Variants in FCRL4 observed in about 807,000 individuals in gnomAD.
The protein encoded by FCRL4 is Fc receptor-like protein 4.
A neutral mutation model predicts 64.1 loss-of-function variants in FCRL4; 43 were observed. The ratio of observed to expected loss-of-function variants is 0.67; its 90% CI spans 0.53 to 0.87. The LOEUF is 0.87. FCRL4 is among the 40% of genes least tolerant of loss of function. The pLI is 0.00. For missense variants in FCRL4, 656 were observed against 613.5 expected (o/e 1.07, Z -0.73); for synonymous variants, 253 against 239.8 (o/e 1.05, Z -0.51).
At position 157,586,230 on chromosome 1, in the gene FCRL4, T is replaced by G. The variant is rs1652689227; in HGVS notation, c.1073A>C (p.Tyr358Ser). Residue 358 changes from tyrosine to serine, a missense_variant, in exon 6 of 12, where the codon TAC becomes TCC. By Grantham distance (144) the Tyr-to-Ser change is moderately radical. Coordinates refer to ENST00000271532, the MANE Select transcript of FCRL4 (RefSeq NM_031282.3). ...AIRQSHAGGY[Y>S]CTADNSYGPV... ...GCCGTAGCTGTTGTCTGCTGTACAG[T>G]AGTATCCCCCTGCATGGCTCTGTCT... The G allele has an allele frequency of 1.9e-6, 3 of 1,614,024 alleles. No individual in the cohort carries two copies. The highest frequency in any genetic ancestry group is 2.5e-6 in the Non-Finnish European group (3 of 1,180,022).
rs1652566768 is a variant in FCRL4 at position 157,581,728 on chromosome 1, GCCCT to G, written c.1136-88_1136-85del. 4.7e-6 allele frequency: 5 copies of G among 1,062,630 alleles called. No individual in the cohort carries two copies. The African/African-American group carries it at 6.3e-5, about 13-fold the overall frequency. 65.8% of individuals were successfully genotyped at this position (1,062,630 alleles called of 1,614,324 possible). A position where few individuals can be genotyped will look rare whatever the true frequency, so the allele number is the denominator to read the frequency against. On this transcript the variant is annotated intron_variant, in intron 6 of 11. Transcript: ENST00000271532. Reference sequence around the variant, plus strand: ...TTTCCTCAGCTTGGTTGGGTAACGAGCCCTGGAAGAGAGAAAAATCTAAAGGACT... The same window carrying G: ...TTTCCTCAGCTTGGTTGGGTAACGAGGGAAGAGAGAAAAATCTAAAGGACT...
At chr1:157,579,496 C>T (rs1652500120) in intron 8 of FCRL4, among the ~76,000 whole-genome samples, 1 of 152,156 alleles carries the variant, frequency 6.6e-6, no homozygotes, top group African/African-American at 2.4e-5. Flanking sequence ...GCGGGCAGAT[C>T]ACTTGAAGCC....
chr1:157,582,890 C>A (rs968112499), intron 6 of FCRL4, among the ~76,000 whole-genome samples: 10 of 152,184 alleles, frequency 6.6e-5, no homozygotes, highest in Non-Finnish European at 1.0e-4. Context: ...TTCCCCATTG[C>A]CTGCTGGGGC....
At chr1:157,588,790 C>T (rs892080354) in intron 3 of FCRL4, among the ~76,000 whole-genome samples, 3 of 152,116 alleles carry the variant, frequency 2.0e-5, no homozygotes, top group African/African-American at 4.8e-5. Flanking sequence ...GAGGAAGGGA[C>T]GCATAACAAC....
intron 6 of FCRL4, 124 bp downstream of exon 6, chr1:157,586,044 C>T: frequency 1.0e-6 from 1 of 959,210 alleles, no homozygotes; most frequent in Non-Finnish European, 1.5e-6. Context: ...AATTGTTTAT[C>T]ACAGTGGAGC....
chr1:157,596,969 A>C (rs554960386), intron 1 of FCRL4, among the ~76,000 whole-genome samples: 1 of 152,354 alleles, frequency 6.6e-6, no homozygotes, highest in Admixed American at 6.5e-5. Flanking sequence ...ACATTTATAC[A>C]TGGGGTGCCC....
At chr1:157,582,866 C>T (rs904257746) in intron 6 of FCRL4, among the ~76,000 whole-genome samples, 4 of 152,150 alleles carry the variant, frequency 2.6e-5, no homozygotes, top group African/African-American at 7.2e-5. Flanking sequence ...GCCACTACAT[C>T]CTGTATTGAA....
At chr1:157,592,417 TG>T in intron 2 of FCRL4, among the ~76,000 whole-genome samples, 1 of 151,112 alleles carries the variant, frequency 6.6e-6, no homozygotes, top group Middle Eastern at 3.5e-3. Flanking sequence ...CATCAAAAAG[TG>T]GGCAAAGGAT....
In FCRL4 at chr1:157,580,343, C is replaced by A. The variant is rs202170978; in HGVS notation, c.1255G>T (p.Gly419Cys). The A allele has an allele frequency of 2.2e-5, 36 of 1,614,100 alleles. No homozygotes were observed. In the Admixed American group the frequency reaches 6.0e-4, roughly 27 times the overall value. The change falls in exon 8 of 12, where the codon GGT becomes TGT. Residue 419 changes from glycine (G) to cysteine (C), a missense_variant. Gly to Cys is a radical substitution (Grantham distance 159, BLOSUM62 -3). Transcript: ENST00000271532. ...CACCTGGTTTCGTCTCCCAAGAAAC[C>A]AACTCCTGCAAAATAAAGCAAAGAC... ...HCWRRRKSGV[G>C]FLGDETRLPP...
At chr1:157,596,018 G>A (rs1208072666) in intron 2 of FCRL4, among the ~76,000 whole-genome samples, 1 of 152,222 alleles carries the variant, frequency 6.6e-6, no homozygotes, top group Non-Finnish European at 1.5e-5. Flanking sequence ...GGGATGCTAT[G>A]CATTCCATCA....
chr1:157,590,680 G>A (rs1652819168), intron 2 of FCRL4, among the ~76,000 whole-genome samples: 1 of 151,984 alleles, frequency 6.6e-6, no homozygotes, highest in Admixed American at 6.5e-5. Context: ...ACCACACCCA[G>A]CTAATTTTTT....
rs1558155113 is a variant in FCRL4, at chr1:157,585,383, T to TTTC, written c.1135+782_1135+784dup. Among the ~76,000 whole-genome samples the TTTC allele has an allele frequency of 6.4e-4, 66 of 103,722 alleles. 1 individual carries two copies. The highest frequency in any genetic ancestry group is 2.4e-3 in the African/African-American group (66 of 26,988). The allele number at this position is 103,722 out of a possible 152,430, so 68.0% of individuals were successfully genotyped here. On this transcript the variant is annotated intron_variant, in intron 6 of 11. Transcript: ENST00000271532. ...CTTTCTTTCTTTCTTTCTTTCTTTC[T>TTTC]TTCTTTCTTTCCTTCTTTCTTTCTT...
chr1:157,580,220 A>G, intron 8 of FCRL4, 101 bp downstream of exon 8: 1 of 1,264,436 alleles, frequency 7.9e-7, no homozygotes, highest in Non-Finnish European at 1.2e-6. Flanking sequence ...ATCTAGCCAC[A>G]GGGCCAAAGA....
Position 157,575,517 on chromosome 1 carries a change from C to T in FCRL4, c.*7G>A, listed in dbSNP as rs867211538. ...TGAGTAGGACGTTCTCGTAACTTTT[C>T]ATTCTCTTAACTTTCTTCATCCTTA... On this transcript the variant is annotated 3_prime_UTR_variant, in exon 12 of 12. Coordinates refer to ENST00000271532, the MANE Select transcript of FCRL4 (RefSeq NM_031282.3). 1 of 1,609,836 alleles carries T rather than the reference C, an allele frequency of 6.2e-7. No individual in the cohort carries two copies. The highest frequency in any genetic ancestry group is 8.5e-7 in the Non-Finnish European group (1 of 1,177,018).
chr1:157,584,963 G>T (rs1652640281), intron 6 of FCRL4, among the ~76,000 whole-genome samples: 1 of 152,156 alleles, frequency 6.6e-6, no homozygotes, highest in Non-Finnish European at 1.5e-5. Context: ...CAGAAATTGA[G>T]CAGGAAAATG....
chr1:157,589,053 A>G (rs557586691), intron 3 of FCRL4, 151 bp downstream of exon 3: 1 of 848,644 alleles, frequency 1.2e-6, no homozygotes, highest in South Asian at 1.8e-5. Flanking sequence ...TTTGAAAAAC[A>G]TTTGTAGACA....
At chr1:157,590,136 T>C (rs1652807056) in intron 2 of FCRL4, among the ~76,000 whole-genome samples, 1 of 152,210 alleles carries the variant, frequency 6.6e-6, no homozygotes, top group African/African-American at 2.4e-5. Flanking sequence ...TTTTTCCTAG[T>C]CCACCCACCA....
rs201898167 is a variant in FCRL4, at chr1:157,578,467, G to T, written c.1429+7C>A. The stretch of plus-strand genomic sequence containing the variant: ...TTTGCAGCCAGAATCTCTTCCCAAA[G>T]ACGTACCTTCCTCTTCTTCTCCCAG... On this transcript the variant is annotated splice_region_variant and intron_variant, in intron 10 of 11. Transcript: ENST00000271532. 5.3e-5 allele frequency: 86 copies of T among 1,609,794 alleles called. No individual in the cohort carries two copies. The highest frequency in any genetic ancestry group is 1.3e-4 in the Admixed American group (8 of 59,984).
At chr1:157,591,149 T>G (rs1222292139) in intron 2 of FCRL4, among the ~76,000 whole-genome samples, 1 of 152,162 alleles carries the variant, frequency 6.6e-6, no homozygotes, top group Admixed American at 6.5e-5. Context: ...TGAATGCGCC[T>G]GAAGGATAGA....
Sources: gnomAD v4.1 joint callset for allele counts (sites outside exome capture counted in the v4.1 genomes callset) on GRCh38, gnomAD v4.1.1 for gene constraint, MANE v1.5 for transcripts, NCBI Gene and HGNC (gene_info 2026-07-23, HGNC 2026-07-21) for gene names.